The following SORCS3 variants were observed in gnomAD, a reference collection of about 807,000 sequenced individuals.
SORCS3 encodes VPS10 domain-containing receptor SorCS3.
SORCS3 carries 57 observed loss-of-function variants against 146.3 expected under a neutral mutation model. The ratio of observed to expected loss-of-function variants is 0.39; its 90% CI spans 0.31 to 0.49. The LOEUF is 0.49. Ranked by LOEUF, SORCS3 falls within the 20% of genes least tolerant of loss-of-function variation. The pLI, the probability that SORCS3 is intolerant of heterozygous loss-of-function variation, is 0.92. For synonymous variants in SORCS3, 653 were observed against 618.5 expected (o/e 1.06, Z -0.83); for missense variants, 1,341 against 1,575.5 (o/e 0.85, Z 2.52).
At chr10:105,017,233 G>T (rs1397207200) in intron 4 of SORCS3, among the ~76,000 whole-genome samples, 9 of 151,994 alleles carry the variant, frequency 5.9e-5, no homozygotes, top group African/African-American at 1.9e-4. Context: ...GGTGGAGATG[G>T]AGGTCCCCAC....
intron 4 of SORCS3, among the ~76,000 whole-genome samples, chr10:104,984,983 C>G (rs376747407): frequency 9.9e-4 from 150 of 152,114 alleles, no homozygotes; most frequent in African/African-American, 3.4e-3. Context: ...ATAGATGACT[C>G]CTAAGGGTGG....
At chr10:104,878,699 A>G (rs2018600872) in intron 2 of SORCS3, among the ~76,000 whole-genome samples, 1 of 152,222 alleles carries the variant, frequency 6.6e-6, no homozygotes, top group Non-Finnish European at 1.5e-5. Context: ...TATTAGCATG[A>G]AAAAATAATA....
At chr10:105,012,228 G>A (rs1219901831) in intron 4 of SORCS3, among the ~76,000 whole-genome samples, 1 of 152,124 alleles carries the variant, frequency 6.6e-6, no homozygotes, top group Non-Finnish European at 1.5e-5. Context: ...CCTAGTGCTA[G>A]GTATTCTCCC....
intron 1 of SORCS3, among the ~76,000 whole-genome samples, chr10:104,816,056 T>C (rs1266116630): frequency 2.6e-5 from 4 of 152,228 alleles, no homozygotes; most frequent in Non-Finnish European, 5.9e-5. Flanking sequence ...TAGCTTTTTT[T>C]CTTTTTCGCT....
chr10:104,981,432 A>G (rs955744256), intron 4 of SORCS3, among the ~76,000 whole-genome samples: 3 of 152,226 alleles, frequency 2.0e-5, no homozygotes, highest in African/African-American at 7.2e-5. Context: ...CAAAAGCTCT[A>G]TAACTTCTTT....
At chr10:105,142,017 G>A (rs1589652931) in intron 8 of SORCS3, among the ~76,000 whole-genome samples, 1 of 152,074 alleles carries the variant, frequency 6.6e-6, no homozygotes, top group Non-Finnish European at 1.5e-5. Flanking sequence ...TAATACTGAG[G>A]CTCTTAACCT....
At position 104,724,012 on chromosome 10, in the gene SORCS3, G is replaced by C. The variant is rs566723077; in HGVS notation, c.627+82058G>C. ...TATTGTGATGTGTGAATTTGATCCT[G>C]TCATTATGACGTTAGCTGGTGATTT... On this transcript the variant is annotated intron_variant, in intron 1 of 26. Coordinates refer to ENST00000369701, the MANE Select transcript of SORCS3 (RefSeq NM_014978.3). 4.6e-5 allele frequency among the ~76,000 whole-genome samples: 7 copies of C among 152,326 alleles called. No homozygotes were observed. The East Asian group carries it at 1.3e-3, about 29-fold the overall frequency.
chr10:104,869,974 C>T (rs147362262), intron 2 of SORCS3, among the ~76,000 whole-genome samples: 215 of 152,286 alleles, frequency 1.4e-3, no homozygotes, highest in African/African-American at 4.8e-3. Context: ...GCATCTATCA[C>T]GTAGAGTCGC....
chr10:105,013,994 C>T (rs970616884), intron 4 of SORCS3, among the ~76,000 whole-genome samples: 1 of 150,894 alleles, frequency 6.6e-6, no homozygotes, highest in African/African-American at 2.4e-5. Flanking sequence ...CACACACACA[C>T]ACACACACAC....
chr10:105,010,953 T>C (rs1451063256), intron 4 of SORCS3, among the ~76,000 whole-genome samples: 2 of 152,102 alleles, frequency 1.3e-5, no homozygotes, highest in African/African-American at 4.8e-5. Flanking sequence ...CTGGTGCATA[T>C]ATGAGTTACT....
chr10:104,702,168 A>G (rs1055511874), intron 1 of SORCS3, among the ~76,000 whole-genome samples: 1 of 152,208 alleles, frequency 6.6e-6, no homozygotes, highest in Admixed American at 6.5e-5. Context: ...GATTCTGTCT[A>G]TGCGGACCGC....
intron 4 of SORCS3, among the ~76,000 whole-genome samples, chr10:105,010,698 C>A (rs1163330868): frequency 6.6e-6 from 1 of 150,624 alleles, no homozygotes; most frequent in African/African-American, 2.4e-5. Context: ...AATGAAAAAT[C>A]TTTCCATTGG....
At chr10:105,088,690 A>G (rs756767596) in intron 5 of SORCS3, among the ~76,000 whole-genome samples, 1 of 152,178 alleles carries the variant, frequency 6.6e-6, no homozygotes, top group Non-Finnish European at 1.5e-5. Context: ...GCTGTGTTAC[A>G]GTAATGCCCC....
At chr10:104,785,202 T>C (rs1419369910) in intron 1 of SORCS3, among the ~76,000 whole-genome samples, 2 of 151,012 alleles carry the variant, frequency 1.3e-5, no homozygotes, top group Non-Finnish European at 3.0e-5. Context: ...TAGAAAGAAG[T>C]AGACATGGGA....
At chr10:105,126,883 G>A (rs1383107574) in intron 7 of SORCS3, among the ~76,000 whole-genome samples, 1 of 152,100 alleles carries the variant, frequency 6.6e-6, no homozygotes, top group Non-Finnish European at 1.5e-5. Context: ...TATCTTCACT[G>A]TGCTGAGTAC....
rs533428601 is a variant in SORCS3, at chr10:104,651,170, T to C, written c.627+9216T>C. 1.6e-3 allele frequency among the ~76,000 whole-genome samples: 248 copies of C among 152,216 alleles called. 2 individuals are homozygous for C. The highest frequency in any genetic ancestry group is 6.4e-3 in the South Asian group (31 of 4,822). On this transcript the variant is annotated intron_variant, in intron 1 of 26. Transcript: ENST00000369701. Reference sequence around the variant, plus strand: ...GAGGGTATCCTTAGTGGTGAAAGAGTTGCTTATCTCACTGTGTTGCTTTCA... The same window carrying C: ...GAGGGTATCCTTAGTGGTGAAAGAGCTGCTTATCTCACTGTGTTGCTTTCA...
chr10:104,684,885 T>C (rs534194396), intron 1 of SORCS3, among the ~76,000 whole-genome samples: 16 of 135,212 alleles, frequency 1.2e-4, no homozygotes, highest in African/African-American at 4.4e-4. Flanking sequence ...TGGCATGATC[T>C]CAGCTCACTG....
At chr10:105,105,861 T>G (rs1458903946) in intron 7 of SORCS3, among the ~76,000 whole-genome samples, 2 of 152,186 alleles carry the variant, frequency 1.3e-5, no homozygotes, top group African/African-American at 4.8e-5. Context: ...TTGTATAACT[T>G]GGCAATGAAA....
rs114545916 is a variant in SORCS3 at position 105,193,069 on chromosome 10, G to A, written c.2010-6930G>A. On this transcript the variant is annotated intron_variant, in intron 14 of 26. Coordinates refer to ENST00000369701, the MANE Select transcript of SORCS3 (RefSeq NM_014978.3). ...TCTCTGTGTATAGAATTCTAATGAG[G>A]TCTTTTATTTTTGTGAACCGCCTCC... is the stretch of plus-strand genomic sequence containing the variant. 7.6e-3 allele frequency among the ~76,000 whole-genome samples: 1,156 copies of A among 152,134 alleles called. 12 individuals carry two copies. Among genetic ancestry groups the A allele is most frequent in the African/African-American group, 0.027 (1,101 of 41,504 alleles).
Sources: allele counts gnomAD v4.1 joint callset (sites outside exome capture counted in the v4.1 genomes callset), GRCh38; gene constraint gnomAD v4.1.1; transcripts MANE v1.5; gene names NCBI Gene and HGNC (gene_info 2026-07-23, HGNC 2026-07-21).